WDR70: variants seen among roughly 807,000 people sequenced by gnomAD.
The protein encoded by WDR70 is WD repeat-containing protein 70.
A neutral mutation model predicts 88.6 loss-of-function variants in WDR70; 53 were observed. The observed-to-expected ratio is 0.60, with a 90% CI of 0.48 to 0.75. The LOEUF is 0.75. Ranked by LOEUF, WDR70 falls within the 30% of genes least tolerant of loss-of-function variation. The pLI, the probability that WDR70 is intolerant of heterozygous loss-of-function variation, is 0.00. For missense variants in WDR70, 610 were observed against 823.2 expected (o/e 0.74, Z 3.17); for synonymous variants, 280 against 270.0 (o/e 1.04, Z -0.36).
At chr5:37,741,809 A>C (rs1001597229) in intron 17 of WDR70, among the ~76,000 whole-genome samples, 1 of 151,978 alleles carries the variant, frequency 6.6e-6, no homozygotes, top group African/African-American at 2.4e-5. Context: ...CTACTTTTTA[A>C]CTCTATGGAT....
chr5:37,479,742 T>C (rs892798813), intron 7 of WDR70, 92 bp from the exon 8 acceptor site: 19 of 1,385,898 alleles, frequency 1.4e-5, no homozygotes, highest in Non-Finnish European at 1.6e-5. Context: ...TGTCCATTTG[T>C]GTAACATTTT....
chr5:37,597,176 G>A (rs1743728174), intron 9 of WDR70, among the ~76,000 whole-genome samples: 1 of 152,030 alleles, frequency 6.6e-6, no homozygotes, highest in African/African-American at 2.4e-5. Flanking sequence ...GCTTTTTATT[G>A]TTTTTTAAAA....
chr5:37,527,609 AAT>A (rs1741328019), intron 9 of WDR70, among the ~76,000 whole-genome samples: 1 of 152,240 alleles, frequency 6.6e-6, no homozygotes, highest in Admixed American at 6.5e-5. Context: ...AAGCAATGGC[AAT>A]GAAAGCCAAA....
At chr5:37,677,493 C>T (rs1253478182) in intron 10 of WDR70, among the ~76,000 whole-genome samples, 2 of 152,100 alleles carry the variant, frequency 1.3e-5, no homozygotes, top group Non-Finnish European at 2.9e-5. Context: ...TCGTTATGTA[C>T]CCAGTAGTCA....
chr5:37,395,240 T>C (rs1281604617), intron 4 of WDR70, among the ~76,000 whole-genome samples: 1 of 152,172 alleles, frequency 6.6e-6, no homozygotes, highest in Non-Finnish European at 1.5e-5. Flanking sequence ...CTAGAGACCT[T>C]AGTGAGAGTG....
At chr5:37,637,889 G>C (rs1745015118) in intron 10 of WDR70, among the ~76,000 whole-genome samples, 1 of 152,210 alleles carries the variant, frequency 6.6e-6, no homozygotes, top group African/African-American at 2.4e-5. Flanking sequence ...AGGAGCTAGT[G>C]AAAGGAGAGA....
At chr5:37,668,561 G>A (rs1488292926) in intron 10 of WDR70, among the ~76,000 whole-genome samples, 1 of 152,196 alleles carries the variant, frequency 6.6e-6, no homozygotes, top group African/African-American at 2.4e-5. Flanking sequence ...AAGGTAACTT[G>A]TGCATTAGCC....
At chr5:37,507,031 C>T (rs375004309) in intron 8 of WDR70, among the ~76,000 whole-genome samples, 10 of 152,232 alleles carry the variant, frequency 6.6e-5, no homozygotes, top group African/African-American at 2.4e-4. Context: ...ACACCCAGGG[C>T]TCGGCCAGTC....
intron 10 of WDR70, among the ~76,000 whole-genome samples, chr5:37,651,551 C>T (rs1421223441): frequency 1.3e-5 from 2 of 152,206 alleles, no homozygotes; most frequent in Non-Finnish European, 2.9e-5. Context: ...CTGTCTTCCA[C>T]AGTGGTTGAA....
intron 9 of WDR70, among the ~76,000 whole-genome samples, chr5:37,576,945 C>G (rs1419389374): frequency 6.6e-6 from 1 of 152,064 alleles, no homozygotes; most frequent in East Asian, 1.9e-4. Flanking sequence ...GTCTACACAA[C>G]AGGAATAAAG....
intron 17 of WDR70, among the ~76,000 whole-genome samples, chr5:37,748,603 A>G (rs1748705223): frequency 6.6e-6 from 1 of 152,256 alleles, no homozygotes; most frequent in Non-Finnish European, 1.5e-5. Context: ...ACAAAAGCTA[A>G]AATTGACAAA....
chr5:37,456,251 C>T lies in WDR70; in HGVS notation c.686+12879C>T, dbSNP rs529357234. Among the ~76,000 whole-genome samples the T allele has an allele frequency of 4.6e-5, 7 of 152,258 alleles. No homozygotes were observed. The East Asian group carries it at 9.7e-4, about 21-fold the overall frequency. ...GAGTTGTAGTTACTTCATATCCTTA[C>T]CTACACTTGGTATTGTCAATATGTT... On this transcript the variant is annotated intron_variant, in intron 7 of 17. Coordinates refer to ENST00000265107, the MANE Select transcript of WDR70 (RefSeq NM_018034.4).
chr5:37,723,963 G>T (rs1370421302), intron 15 of WDR70: 1 of 152,174 alleles, frequency 6.6e-6, no homozygotes, highest in Non-Finnish European at 1.5e-5. Context: ...TCTGGCCTCA[G>T]TTGGCAGTAT....
At chr5:37,385,205 A>G (rs1354312301) in intron 3 of WDR70, among the ~76,000 whole-genome samples, 3 of 152,014 alleles carry the variant, frequency 2.0e-5, no homozygotes, top group South Asian at 2.1e-4. Flanking sequence ...GCTACCCTGA[A>G]GCTAATCACA....
rs1007175528 is a variant in WDR70 at position 37,564,197 on chromosome 5, C to T, written c.918-40867C>T. 1.2e-3 allele frequency among the ~76,000 whole-genome samples: 175 copies of T among 151,602 alleles called. 1 individual carries two copies. Among genetic ancestry groups the T allele is most frequent in the Admixed American group, 9.8e-3 (149 of 15,250 alleles). ...GGCAGCTGGGAGGTGGAGGTTGTAG[C>T]GAGCCGAGATCACGCCACTGCACTC... is the stretch of plus-strand genomic sequence containing the variant. On this transcript the variant is annotated intron_variant, in intron 9 of 17. Transcript: ENST00000265107.
intron 10 of WDR70, among the ~76,000 whole-genome samples, chr5:37,680,214 C>T (rs1457684153): frequency 1.3e-5 from 2 of 149,432 alleles, no homozygotes; most frequent in East Asian, 3.9e-4. Flanking sequence ...TGAGAGGTTT[C>T]TGTTCATGTC....
At chr5:37,745,255 C>T (rs990536350) in intron 17 of WDR70, among the ~76,000 whole-genome samples, 19 of 151,958 alleles carry the variant, frequency 1.3e-4, no homozygotes, top group Middle Eastern at 3.4e-3. Flanking sequence ...GAGGCCTGCA[C>T]TGCAAGAGCT....
At chr5:37,562,643 A>G (rs1417769003) in intron 9 of WDR70, among the ~76,000 whole-genome samples, 7 of 152,258 alleles carry the variant, frequency 4.6e-5, no homozygotes, top group East Asian at 1.9e-4. Context: ...GGGAGTGGTG[A>G]TGACTCTTAA....
chr5:37,480,789 C>G (rs1302095055), intron 8 of WDR70, among the ~76,000 whole-genome samples: 3 of 152,134 alleles, frequency 2.0e-5, no homozygotes, highest in Non-Finnish European at 4.4e-5. Flanking sequence ...CCAAAGTCCC[C>G]CAAACTCTTA....
Sources: gnomAD v4.1 joint callset for allele counts (sites outside exome capture counted in the v4.1 genomes callset) on GRCh38, gnomAD v4.1.1 for gene constraint, MANE v1.5 for transcripts, NCBI Gene and HGNC (gene_info 2026-07-23, HGNC 2026-07-21) for gene names.